Variants in GALNT17 observed in about 807,000 individuals in gnomAD.
GALNT17 encodes polypeptide N-acetylgalactosaminyltransferase 17.
In GALNT17, 29 loss-of-function variants were observed where a neutral mutation model predicts 63.7. The observed-to-expected ratio is 0.46, with a 90% CI of 0.34 to 0.62. The LOEUF (loss-of-function observed/expected upper bound fraction) is 0.62, where lower values mean the gene tolerates loss of function less well. Ranked by LOEUF, GALNT17 falls within the 20% of genes least tolerant of loss-of-function variation. GALNT17 has a pLI of 0.01. For synonymous variants in GALNT17, 305 were observed against 318.3 expected, an observed-to-expected ratio of 0.96 and a Z score of 0.45; for missense variants, 603 against 799.6, an observed-to-expected ratio of 0.75 and a Z score of 2.97.
intron 6 of GALNT17, among the ~76,000 whole-genome samples, chr7:71,657,520 G>C (rs1011088845): frequency 6.6e-6 from 1 of 152,128 alleles, no homozygotes; most frequent in African/African-American, 2.4e-5. Context: ...CAGGGGAGCA[G>C]GTGGCCTGGG....
intron 6 of GALNT17, among the ~76,000 whole-genome samples, chr7:71,587,148 C>T (rs1308669154): frequency 2.0e-5 from 3 of 152,164 alleles, no homozygotes; most frequent in Admixed American, 6.5e-5. Context: ...CTGCCTCAGC[C>T]TTCTGAGTAG....
At chr7:71,451,201 A>G (rs571984848) in intron 5 of GALNT17, among the ~76,000 whole-genome samples, 2 of 152,206 alleles carry the variant, frequency 1.3e-5, no homozygotes. Context: ...TGTCCTTGCA[A>G]TAGTTTGCTG....
chr7:71,486,358 T>C (rs1481679115), intron 5 of GALNT17, among the ~76,000 whole-genome samples: 1 of 133,168 alleles, frequency 7.5e-6, no homozygotes, highest in East Asian at 2.0e-4. Flanking sequence ...ATAATAATAA[T>C]AATAATAATA....
At chr7:71,527,901 TTATC>T (rs1447888411) in intron 5 of GALNT17, among the ~76,000 whole-genome samples, 1 of 152,162 alleles carries the variant, frequency 6.6e-6, no homozygotes, top group Admixed American at 6.6e-5. Context: ...CCTTCTGTAT[TTATC>T]TATCTTTTCT....
chr7:71,531,508 T>C (rs1462586958), intron 5 of GALNT17, among the ~76,000 whole-genome samples: 1 of 152,236 alleles, frequency 6.6e-6, no homozygotes, highest in Non-Finnish European at 1.5e-5. Flanking sequence ...AAAACTTGTA[T>C]GTGGCTTGAC....
intron 6 of GALNT17, among the ~76,000 whole-genome samples, chr7:71,572,875 A>G (rs1421092798): frequency 6.6e-6 from 1 of 152,072 alleles, no homozygotes; most frequent in African/African-American, 2.4e-5. Flanking sequence ...CCAATCCCTA[A>G]AGCAAGGAGG....
intron 8 of GALNT17, among the ~76,000 whole-genome samples, chr7:71,670,452 G>A (rs1431163051): frequency 6.6e-6 from 1 of 152,112 alleles, no homozygotes; most frequent in East Asian, 1.9e-4. Flanking sequence ...CAGGAGGGTT[G>A]GAGTCCTCCA....
At chr7:71,320,179 G>A (rs1463753220) in intron 1 of GALNT17, among the ~76,000 whole-genome samples, 1 of 152,096 alleles carries the variant, frequency 6.6e-6, no homozygotes, top group Non-Finnish European at 1.5e-5. Context: ...CCTGAATTGT[G>A]TGCATGAGAA....
chr7:71,329,959 G>GTA (rs1168272522), intron 1 of GALNT17, among the ~76,000 whole-genome samples: 23 of 142,620 alleles, frequency 1.6e-4, no homozygotes, highest in Non-Finnish European at 2.6e-4. Flanking sequence ...ATGTGTGTGT[G>GTA]TATATATATA....
At chr7:71,460,346 G>T (rs4404817) in intron 5 of GALNT17, among the ~76,000 whole-genome samples, 1 of 152,048 alleles carries the variant, frequency 6.6e-6, no homozygotes, top group Non-Finnish European at 1.5e-5. Context: ...AATTTTTGGT[G>T]AAAAACGATA....
chr7:71,538,366 G>A (rs1383006874), intron 5 of GALNT17, among the ~76,000 whole-genome samples: 1 of 152,046 alleles, frequency 6.6e-6, no homozygotes, highest in Non-Finnish European at 1.5e-5. Flanking sequence ...CCATAAACCA[G>A]CGGCACGTGG....
intron 5 of GALNT17, among the ~76,000 whole-genome samples, chr7:71,443,996 G>T (rs1018915028): frequency 1.3e-5 from 2 of 152,178 alleles, no homozygotes; most frequent in African/African-American, 4.8e-5. Flanking sequence ...CAAAGTGCTG[G>T]AATTACAGGT....
At chr7:71,275,752 A>G (rs1790671526) in intron 1 of GALNT17, among the ~76,000 whole-genome samples, 1 of 152,134 alleles carries the variant, frequency 6.6e-6, no homozygotes, top group African/African-American at 2.4e-5. Context: ...CTTTTGCAGG[A>G]TCTGTTGATA....
chr7:71,315,115 A>G (rs1791477349), intron 1 of GALNT17, among the ~76,000 whole-genome samples: 1 of 152,222 alleles, frequency 6.6e-6, no homozygotes, highest in East Asian at 1.9e-4. Context: ...TATATATGGA[A>G]GCATACATCT....
chr7:71,282,671 C>G (rs1790798757), intron 1 of GALNT17, among the ~76,000 whole-genome samples: 1 of 149,726 alleles, frequency 6.7e-6, no homozygotes, highest in South Asian at 2.1e-4. Context: ...CCTATGGACT[C>G]AGGACTGGGG....
chr7:71,616,271 A>G (rs146616322), intron 6 of GALNT17, among the ~76,000 whole-genome samples: 66 of 151,988 alleles, frequency 4.3e-4, no homozygotes, highest in Admixed American at 2.0e-3. Flanking sequence ...GAAGACAAGT[A>G]AATTCCAGAT....
intron 1 of GALNT17, among the ~76,000 whole-genome samples, chr7:71,159,120 C>T (rs371780249): frequency 6.6e-6 from 1 of 151,820 alleles, no homozygotes; most frequent in African/African-American, 2.4e-5. Flanking sequence ...AAACCCCCAT[C>T]TCCTACAGAA....
intron 5 of GALNT17, among the ~76,000 whole-genome samples, chr7:71,565,064 C>T (rs1276868485): frequency 2.0e-5 from 3 of 152,054 alleles, no homozygotes; most frequent in Admixed American, 6.6e-5. Flanking sequence ...ATCAGGAGTT[C>T]GAGACCAGCC....
chr7:71,363,305 G>T (rs1157698319), intron 2 of GALNT17, among the ~76,000 whole-genome samples: 1 of 152,162 alleles, frequency 6.6e-6, no homozygotes, highest in East Asian at 1.9e-4. Context: ...TACTCAATAA[G>T]CAATAGTTTT....
Sources: allele counts gnomAD v4.1 joint callset (sites outside exome capture counted in the v4.1 genomes callset), GRCh38; gene constraint gnomAD v4.1.1; transcripts MANE v1.5; gene names NCBI Gene and HGNC (gene_info 2026-07-23, HGNC 2026-07-21).